ARMH4: variants seen among roughly 807,000 people sequenced by gnomAD.
ARMH4 encodes the protein armadillo-like helical domain-containing protein 4.
In ARMH4, 49 loss-of-function variants were observed where a neutral mutation model predicts 61.9. That is an observed-to-expected ratio of 0.79 (90% CI 0.63 to 1.00). The LOEUF (loss-of-function observed/expected upper bound fraction) is 1.00. Among genes scored for constraint, ARMH4 ranks in the 50% least tolerant of loss-of-function variants. ARMH4 has a pLI of 0.00. For synonymous variants in ARMH4, 368 were observed against 341.5 expected (o/e 1.08, Z -0.85); for missense variants, 934 against 930.0 (o/e 1.00, Z -0.06).
intron 1 of ARMH4, among the ~76,000 whole-genome samples, chr14:58,149,424 TC>T (rs1373817070): frequency 6.6e-6 from 1 of 152,020 alleles, no homozygotes; most frequent in East Asian, 1.9e-4. Context: ...AAAAGCATGG[TC>T]CCCCAGGAGG....
chr14:58,062,960 A>G (rs988549987), intron 5 of ARMH4, among the ~76,000 whole-genome samples: 1 of 152,234 alleles, frequency 6.6e-6, no homozygotes, highest in African/African-American at 2.4e-5. Context: ...CACTGCTGTA[A>G]CAACACACCA....
intron 5 of ARMH4, among the ~76,000 whole-genome samples, chr14:58,026,473 A>ATC (rs1883024960): frequency 6.6e-6 from 1 of 152,120 alleles, no homozygotes; most frequent in Admixed American, 6.6e-5. Context: ...TTCTCATGAG[A>ATC]TCTCTTCTCA....
At chr14:58,074,084 A>G (rs1472851931) in intron 5 of ARMH4, among the ~76,000 whole-genome samples, 1 of 152,232 alleles carries the variant, frequency 6.6e-6, no homozygotes. Flanking sequence ...AGCCATAAAA[A>G]TTCAGAATTT....
intron 4 of ARMH4, among the ~76,000 whole-genome samples, chr14:58,120,282 A>G: frequency 6.6e-6 from 1 of 152,072 alleles, no homozygotes; most frequent in East Asian, 1.9e-4. Context: ...TGTGTTGTTG[A>G]CCAAAACTTC....
At chr14:58,013,557 T>G (rs549332289) in intron 5 of ARMH4, among the ~76,000 whole-genome samples, 6 of 152,130 alleles carry the variant, frequency 3.9e-5, no homozygotes, top group Non-Finnish European at 7.4e-5. Flanking sequence ...ATAATATATC[T>G]GAAAATACTG....
chr14:58,073,592 C>T (rs1413221485), intron 5 of ARMH4, among the ~76,000 whole-genome samples: 3 of 151,964 alleles, frequency 2.0e-5, no homozygotes, highest in African/African-American at 7.3e-5. Context: ...TTATTTACTT[C>T]ACTGGGAAAA....
intron 5 of ARMH4, among the ~76,000 whole-genome samples, chr14:58,026,207 G>A (rs1049146799): frequency 2.6e-5 from 4 of 152,048 alleles, no homozygotes; most frequent in South Asian, 4.2e-4. Flanking sequence ...AAATGAGGAA[G>A]AAAGTATCCC....
Position 58,043,375 on chromosome 14 carries a change from G to A in ARMH4, c.2090-31225C>T, listed in dbSNP as rs565540394. ...AAACCACATGATTATCTCAATAGAT[G>A]CAGAAAAGGCCTTTGACAAAATTCA... On this transcript the variant is annotated intron_variant, in intron 5 of 7. Transcript: ENST00000267485. Among the ~76,000 whole-genome samples, 5 of 152,170 alleles carry A rather than the reference G, an allele frequency of 3.3e-5. No individual in the cohort carries two copies. The South Asian group carries it at 1.0e-3, about 32-fold the overall frequency.
intron 5 of ARMH4, among the ~76,000 whole-genome samples, chr14:58,062,395 C>A (rs178497): frequency 0.28 from 42,096 of 152,062 alleles, 8,050 homozygotes; most frequent in East Asian, 0.62. Context: ...CTATTAGATT[C>A]CAACACGTGG....
chr14:58,073,307 T>C (rs1388546698), intron 5 of ARMH4, among the ~76,000 whole-genome samples: 1 of 152,240 alleles, frequency 6.6e-6, no homozygotes, highest in East Asian at 1.9e-4. Flanking sequence ...CTTGTTCACT[T>C]AAGAAGTCAC....
intron 1 of ARMH4, among the ~76,000 whole-genome samples, chr14:58,147,464 G>A (rs6650510): frequency 3.7e-4 from 56 of 152,096 alleles, no homozygotes; most frequent in African/African-American, 1.2e-3. Flanking sequence ...ACAGGCGCAC[G>A]CCACCACGCC....
At chr14:58,012,908 G>A (rs891666542) in intron 5 of ARMH4, among the ~76,000 whole-genome samples, 2 of 151,668 alleles carry the variant, frequency 1.3e-5, no homozygotes, top group African/African-American at 4.8e-5. Context: ...GAATGGCCAC[G>A]TTAAGGTTGG....
chr14:58,138,930 G>A lies in ARMH4; in HGVS notation c.429C>T (p.Ala143=). 1 of 1,614,170 alleles carries A rather than the reference G, an allele frequency of 6.2e-7. No individual in the cohort carries two copies. Among genetic ancestry groups the A allele is most frequent in the Non-Finnish European group, 8.5e-7 (1 of 1,180,026 alleles). Residue 143 remains alanine (A), a synonymous_variant, in exon 2 of 8, where the codon GCC becomes GCT. Coordinates refer to ENST00000267485, the MANE Select transcript of ARMH4 (RefSeq NM_001001872.4). ...RISPESGLAK[A]MLTIAITATP... ...TCGCAGTGATAGCAATGGTTAACAT[G>A]GCCTTGGCAAGTCCACTTTCAGGAG... is the stretch of plus-strand genomic sequence containing the variant.
At chr14:58,084,220 GC>G (rs1316705007) in intron 5 of ARMH4, among the ~76,000 whole-genome samples, 1 of 109,992 alleles carries the variant, frequency 9.1e-6, no homozygotes, top group African/African-American at 3.6e-5. Flanking sequence ...CAAACTTCTA[GC>G]ACAGAATTTT....
At chr14:58,131,471 T>A in intron 4 of ARMH4, 41 bp downstream of exon 4, 1 of 1,521,746 alleles carries the variant, frequency 6.6e-7, no homozygotes, top group Non-Finnish European at 9.1e-7. Flanking sequence ...AGTGACTCAC[T>A]CAACCAGTCC....
intron 5 of ARMH4, among the ~76,000 whole-genome samples, chr14:58,079,688 T>C (rs1234735229): frequency 6.6e-6 from 1 of 152,202 alleles, no homozygotes; most frequent in African/African-American, 2.4e-5. Context: ...AATAAAAACT[T>C]TCTGAATAAG....
chr14:58,071,069 A>T (rs1884868576), intron 5 of ARMH4, among the ~76,000 whole-genome samples: 1 of 151,716 alleles, frequency 6.6e-6, no homozygotes, highest in Non-Finnish European at 1.5e-5. Flanking sequence ...CATACCTTTT[A>T]TAATGTGAAA....
rs574230218 is a variant in ARMH4, at chr14:58,020,873, A to C, written c.2090-8723T>G. Among the ~76,000 whole-genome samples, 308 of 152,316 alleles carry C rather than the reference A, an allele frequency of 2.0e-3. 1 individual carries two copies. The highest frequency in any genetic ancestry group is 7.1e-3 in the African/African-American group (294 of 41,574). On this transcript the variant is annotated intron_variant, in intron 5 of 7. Transcript: ENST00000267485. ...TGAAAACTGAGACTTTCCAAGATCT[A>C]CTGCCTGTAAACTGGAGATCTAGGA...
At chr14:58,115,710 A>G (rs1275839710) in intron 4 of ARMH4, among the ~76,000 whole-genome samples, 1 of 152,210 alleles carries the variant, frequency 6.6e-6, no homozygotes, top group Non-Finnish European at 1.5e-5. Flanking sequence ...TGTGATACAT[A>G]TACACCATGG....
Sources: allele counts gnomAD v4.1 joint callset (sites outside exome capture counted in the v4.1 genomes callset), GRCh38; gene constraint gnomAD v4.1.1; transcripts MANE v1.5; gene names NCBI Gene and HGNC (gene_info 2026-07-23, HGNC 2026-07-21).